Variants in C3orf85 observed in about 807,000 individuals in gnomAD.
C3orf85 encodes the protein uncharacterized protein C3orf85.
A neutral mutation model predicts 1.7 loss-of-function variants in C3orf85; 1 was observed. The ratio of observed to expected loss-of-function variants is 0.60; its 90% CI spans 0.21 to 2.86. C3orf85 has a LOEUF of 2.86. Among genes scored for constraint, C3orf85 ranks in the 30% most tolerant of loss-of-function variants. C3orf85 has a pLI of 0.22. For synonymous variants in C3orf85, 17 were observed against 8.0 expected (o/e 2.13, Z -1.90); for missense variants, 29 against 21.3 (o/e 1.36, Z -0.72).
intron 2 of C3orf85, among the ~76,000 whole-genome samples, chr3:109,143,412 A>C (rs1706762330): frequency 6.6e-6 from 1 of 152,138 alleles, no homozygotes. Context: ...AGTTTTCATT[A>C]TGCTCATACT....
At chr3:109,137,162 C>T (rs970728832) in intron 2 of C3orf85, among the ~76,000 whole-genome samples, 2 of 151,832 alleles carry the variant, frequency 1.3e-5, no homozygotes, top group Non-Finnish European at 2.9e-5. Flanking sequence ...GCTGCTGCCT[C>T]CAAATAAGTG....
intron 2 of C3orf85, among the ~76,000 whole-genome samples, chr3:109,139,779 G>A (rs932555078): frequency 2.0e-5 from 3 of 152,198 alleles, no homozygotes; most frequent in Admixed American, 6.5e-5. Flanking sequence ...GTGCAAGTAT[G>A]TCTTCTGGTT....
intron 2 of C3orf85, among the ~76,000 whole-genome samples, chr3:109,137,990 C>G (rs929752189): frequency 6.6e-6 from 1 of 152,024 alleles, no homozygotes; most frequent in East Asian, 1.9e-4. Flanking sequence ...GAGGGGGTAA[C>G]GGTGGTGGAT....
intron 2 of C3orf85, among the ~76,000 whole-genome samples, chr3:109,138,538 T>C (rs1004293336): frequency 6.6e-6 from 1 of 152,238 alleles, no homozygotes; most frequent in Non-Finnish European, 1.5e-5. Flanking sequence ...CTGCTTATTA[T>C]AAGAAAACCA....
intron 2 of C3orf85, among the ~76,000 whole-genome samples, chr3:109,145,780 C>T (rs553187905): frequency 6.6e-6 from 1 of 152,252 alleles, no homozygotes; most frequent in South Asian, 2.1e-4. Flanking sequence ...GAATTGAGCT[C>T]CAACTTACCT....
intron 2 of C3orf85, among the ~76,000 whole-genome samples, chr3:109,140,735 C>T (rs1222462250): frequency 6.6e-6 from 1 of 152,132 alleles, no homozygotes; most frequent in Non-Finnish European, 1.5e-5. Context: ...AATAAAAGAA[C>T]CACCAGCTCC....
intron 3 of C3orf85, chr3:109,149,554 C>A (rs1706844690): frequency 3.6e-6 from 1 of 280,722 alleles, no homozygotes; most frequent in African/African-American, 2.2e-5. Context: ...TTTGTACCAA[C>A]TGACAGGCAC....
At chr3:109,141,556 G>T (rs925144323) in intron 2 of C3orf85, among the ~76,000 whole-genome samples, 3 of 150,704 alleles carry the variant, frequency 2.0e-5, no homozygotes, top group Non-Finnish European at 4.4e-5. Flanking sequence ...AACCCAAATT[G>T]CTTCTCTTCC....
intron 2 of C3orf85, among the ~76,000 whole-genome samples, chr3:109,139,303 C>A (rs754309847): frequency 4.6e-5 from 7 of 152,342 alleles, no homozygotes; most frequent in Non-Finnish European, 1.0e-4. Flanking sequence ...GAGGCAGTAT[C>A]ATAGCCGTTG....
At chr3:109,141,248 A>C (rs2107833486) in intron 2 of C3orf85, among the ~76,000 whole-genome samples, 1 of 152,196 alleles carries the variant, frequency 6.6e-6, no homozygotes, top group African/African-American at 2.4e-5. Flanking sequence ...TGGCTTCCCA[A>C]AGTGCTGGGA....
intron 2 of C3orf85, among the ~76,000 whole-genome samples, chr3:109,141,090 G>A (rs111659153): frequency 7.7e-4 from 117 of 152,234 alleles, no homozygotes; most frequent in African/African-American, 2.6e-3. Context: ...AGGTTCAAGC[G>A]ATTCTCCCGG....
At chr3:109,147,132 G>A (rs1352008298) in intron 2 of C3orf85, among the ~76,000 whole-genome samples, 1 of 151,992 alleles carries the variant, frequency 6.6e-6, no homozygotes, top group Admixed American at 6.6e-5. Context: ...TTTTCTTCAA[G>A]GAGCAGGTGA....
At chr3:109,146,729 C>A (rs1021184717) in intron 2 of C3orf85, among the ~76,000 whole-genome samples, 1 of 152,166 alleles carries the variant, frequency 6.6e-6, no homozygotes, top group African/African-American at 2.4e-5. Flanking sequence ...GCTGTAATGT[C>A]TTTTATATCC....
chr3:109,140,717 T>C (rs777027374), intron 2 of C3orf85, among the ~76,000 whole-genome samples: 1 of 152,282 alleles, frequency 6.6e-6, no homozygotes, highest in East Asian at 1.9e-4. Flanking sequence ...GTCTACAAGA[T>C]TAAAAGTAAT....
At chr3:109,140,798 G>A (rs926407417) in intron 2 of C3orf85, among the ~76,000 whole-genome samples, 19 of 152,178 alleles carry the variant, frequency 1.2e-4, no homozygotes, top group African/African-American at 4.3e-4. Context: ...CCAACATTGT[G>A]TATGTGTGTT....
At chr3:109,141,121 G>A (rs772749555) in intron 2 of C3orf85, among the ~76,000 whole-genome samples, 96 of 152,102 alleles carry the variant, frequency 6.3e-4, no homozygotes, top group Non-Finnish European at 1.9e-4. Flanking sequence ...TGAGTAGCTG[G>A]GATTACAGGC....
intron 2 of C3orf85, among the ~76,000 whole-genome samples, chr3:109,139,822 CT>C (rs1706724462): frequency 6.6e-6 from 1 of 152,192 alleles, no homozygotes; most frequent in Non-Finnish European, 1.5e-5. Flanking sequence ...TGCCTTTGGT[CT>C]GTTTTTCCTC....
intron 2 of C3orf85, among the ~76,000 whole-genome samples, chr3:109,137,388 C>T (rs1270112574): frequency 6.6e-6 from 1 of 151,812 alleles, no homozygotes; most frequent in Admixed American, 6.6e-5. Flanking sequence ...AACTCAGTGG[C>T]TTCTATCAAA....
intron 2 of C3orf85, among the ~76,000 whole-genome samples, chr3:109,147,878 T>C (rs960540015): frequency 2.6e-5 from 4 of 152,140 alleles, no homozygotes; most frequent in Admixed American, 2.6e-4. Flanking sequence ...TGTGTGTGCA[T>C]TATTATACCC....
Sources: allele counts gnomAD v4.1 joint callset (sites outside exome capture counted in the v4.1 genomes callset), GRCh38; gene constraint gnomAD v4.1.1; transcripts MANE v1.5; gene names NCBI Gene and HGNC (gene_info 2026-07-23, HGNC 2026-07-21).